The following AK9 variants were observed in gnomAD, a reference collection of about 807,000 sequenced individuals.
The protein encoded by AK9 is adenylate kinase domain containing 1.
AK9 carries 191 observed loss-of-function variants against 239.6 expected under a neutral mutation model. The ratio of observed to expected loss-of-function variants is 0.80; its 90% CI spans 0.71 to 0.90. AK9 has a LOEUF of 0.90. Ranked by LOEUF, AK9 falls within the 40% of genes least tolerant of loss-of-function variation. The pLI is 0.00. For missense variants in AK9, 1,995 were observed against 2,214.7 expected (o/e 0.90, Z 1.99); for synonymous variants, 689 against 721.0 (o/e 0.96, Z 0.71).
chr6:109,684,828 C>T lies in AK9; in HGVS notation c.-12+6319G>A, dbSNP rs1357328065. Among the ~76,000 whole-genome samples, 24 of 122,418 alleles carry T rather than the reference C, an allele frequency of 2.0e-4. 1 individual carries two copies. Among genetic ancestry groups the T allele is most frequent in the Non-Finnish European group, 3.4e-4 (21 of 62,632 alleles). The allele number at this position is 122,418 out of a possible 152,430, so 80.3% of individuals were successfully genotyped here. A position where few individuals can be genotyped will look rare whatever the true frequency, so the allele number is the denominator to read the frequency against. On this transcript the variant is annotated intron_variant, in intron 1 of 40. Coordinates refer to ENST00000424296, the MANE Select transcript of AK9 (RefSeq NM_001145128.3). Reference sequence around the variant, plus strand: ...GGCAGAGCTTGCAGTGAGCCGAGATCCCGCCACTGCACTCCAGCCTGGGCG... The same window carrying T: ...GGCAGAGCTTGCAGTGAGCCGAGATTCCGCCACTGCACTCCAGCCTGGGCG...
intron 17 of AK9, among the ~76,000 whole-genome samples, chr6:109,592,258 A>G (rs1314807023): frequency 6.6e-6 from 1 of 152,150 alleles, no homozygotes; most frequent in Non-Finnish European, 1.5e-5. Context: ...AAAACACAAT[A>G]ATAATAATAA....
chr6:109,550,196 T>G lies in AK9; in HGVS notation c.2858A>C (p.Glu953Ala), dbSNP rs149506107. ...NFILQPGNTEEAAKYREKIYY... is the reference protein window; with the variant it reads ...NFILQPGNTEAAAKYREKIYY... ...GATCTTTTCTCGATACTTGGCTGCT[T>G]CTTCTGTGTTTCCTGGTTGCAGGAT... The change falls in exon 25 of 41, where the codon GAA becomes GCA. Residue 953 changes from glutamate (E) to alanine (A), a missense_variant. Coordinates refer to ENST00000424296, the MANE Select transcript of AK9 (RefSeq NM_001145128.3). 2.0e-4 allele frequency: 322 copies of G among 1,613,972 alleles called. 2 individuals carry two copies. The Middle Eastern group carries it at 2.5e-3, about 12-fold the overall frequency.
chr6:109,533,238 G>A lies in AK9; in HGVS notation c.3570+13C>T. ...GAACAGATTTATTCAATGCATTTTT[G>A]CTAGATACATACCCTGATTTTTGCC... is the stretch of plus-strand genomic sequence containing the variant. On this transcript the variant is annotated intron_variant, in intron 28 of 40. Coordinates refer to ENST00000424296, the MANE Select transcript of AK9 (RefSeq NM_001145128.3). 6.4e-7 allele frequency: 1 copy of A among 1,574,110 alleles called. No homozygotes were observed. The highest frequency in any genetic ancestry group is 8.6e-7 in the Non-Finnish European group (1 of 1,158,068).
chr6:109,635,572 AC>A (rs141532809), intron 10 of AK9, among the ~76,000 whole-genome samples: 10 of 152,284 alleles, frequency 6.6e-5, no homozygotes, highest in African/African-American at 2.4e-4. Flanking sequence ...GACCCCAGAC[AC>A]AGCCAAGGTA....
At chr6:109,613,096 C>T (rs1793767692) in intron 15 of AK9, among the ~76,000 whole-genome samples, 1 of 150,586 alleles carries the variant, frequency 6.6e-6, no homozygotes, top group Admixed American at 6.6e-5. Flanking sequence ...TCTATCCTCT[C>T]AGACACTTAA....
At chr6:109,659,558 C>T in intron 6 of AK9, 145 bp from the exon 7 acceptor site, 3 of 1,069,414 alleles carry the variant, frequency 2.8e-6, no homozygotes, top group Non-Finnish European at 3.8e-6. Context: ...TGGCATTTTG[C>T]ATCAGGTTTC....
intron 19 of AK9, among the ~76,000 whole-genome samples, chr6:109,582,183 C>T (rs1298347361): frequency 6.6e-6 from 1 of 152,188 alleles, no homozygotes; most frequent in South Asian, 2.1e-4. Flanking sequence ...TGTTTTCATG[C>T]CTGCTAATGC....
intron 13 of AK9, among the ~76,000 whole-genome samples, chr6:109,618,119 C>T (rs1794395716): frequency 6.6e-6 from 1 of 152,150 alleles, no homozygotes; most frequent in Non-Finnish European, 1.5e-5. Context: ...GCACTGATGG[C>T]CACAGAGTGC....
intron 12 of AK9, among the ~76,000 whole-genome samples, chr6:109,630,177 C>T (rs1184681378): frequency 6.6e-6 from 1 of 151,808 alleles, no homozygotes; most frequent in African/African-American, 2.4e-5. Context: ...ATGATATTAC[C>T]TAGGATAGCA....
At chr6:109,644,444 T>C (rs1797791488) in intron 9 of AK9, 170 bp downstream of exon 9, 1 of 484,728 alleles carries the variant, frequency 2.1e-6, no homozygotes, top group South Asian at 5.9e-5. Context: ...GATTTTAAAA[T>C]GGACAGATGA....
At chr6:109,633,138 G>T in intron 11 of AK9, 35 bp from the exon 12 acceptor site, 2 of 1,561,946 alleles carry the variant, frequency 1.3e-6, no homozygotes, top group Non-Finnish European at 1.7e-6. Flanking sequence ...CAACTGAAAA[G>T]ATGTATGAGG....
chr6:109,677,799 T>A (rs1771984866), intron 1 of AK9, among the ~76,000 whole-genome samples: 1 of 152,022 alleles, frequency 6.6e-6, no homozygotes, highest in African/African-American at 2.4e-5. Flanking sequence ...GATATACAGA[T>A]GACAAACACA....
intron 12 of AK9, chr6:109,632,037 G>C (rs944624938): frequency 2.1e-4 from 85 of 411,790 alleles, no homozygotes; most frequent in African/African-American, 1.8e-3. Context: ...TGAGGAGACT[G>C]GTATTGAGAA....
intron 8 of AK9, among the ~76,000 whole-genome samples, chr6:109,653,512 T>C (rs1171219299): frequency 6.6e-6 from 1 of 152,202 alleles, no homozygotes; most frequent in East Asian, 1.9e-4. Context: ...TCTCTGACAT[T>C]CACGGAAAGT....
intron 10 of AK9, among the ~76,000 whole-genome samples, chr6:109,639,808 C>T (rs1224309266): frequency 6.6e-6 from 1 of 152,164 alleles, no homozygotes; most frequent in African/African-American, 2.4e-5. Flanking sequence ...TTTAATCCAT[C>T]TTGAACTAAT....
rs539046208 is a variant in AK9 at position 109,520,590 on chromosome 6, T to C, written c.3634-3948A>G. ...TTTTCTTGGGATTGTTTTGGCTATTTGGGGCTTCTGTTTTGGTTCCATATG... is the reference window on the plus strand; with the variant it reads ...TTTTCTTGGGATTGTTTTGGCTATTCGGGGCTTCTGTTTTGGTTCCATATG... On this transcript the variant is annotated intron_variant, in intron 29 of 40. Transcript: ENST00000424296. Among the ~76,000 whole-genome samples, 6 of 152,226 alleles carry C rather than the reference T, an allele frequency of 3.9e-5. No homozygotes were observed. In the East Asian group the frequency reaches 1.2e-3, roughly 29 times the overall value.
chr6:109,641,530 G>A lies in AK9; in HGVS notation c.921C>T (p.Asp307=), dbSNP rs1797446902. Residue 307 remains aspartate, a synonymous_variant, in exon 10 of 41, where the codon GAC becomes GAT. Coordinates refer to ENST00000424296, the MANE Select transcript of AK9 (RefSeq NM_001145128.3). ...KLQGAEEEIN[D]TMENDELFRT... The stretch of plus-strand genomic sequence containing the variant: ...CCATATAACTTACATTTTCCATTGT[G>A]TCATTAATTTCTTCCTCTGCACCCT... 3.1e-6 allele frequency: 5 copies of A among 1,611,402 alleles called. No homozygotes were observed. In the Admixed American group the frequency reaches 8.3e-5, roughly 27 times the overall value.
intron 28 of AK9, among the ~76,000 whole-genome samples, chr6:109,531,510 G>C (rs910512853): frequency 6.6e-6 from 1 of 152,066 alleles, no homozygotes; most frequent in Non-Finnish European, 1.5e-5. Context: ...GCCACTAGCT[G>C]TGTGTGGCTA....
At chr6:109,585,877 AACTTCACTT>A (rs757269429) in intron 18 of AK9, 30 bp downstream of exon 18, 1 of 1,514,682 alleles carries the variant, frequency 6.6e-7, no homozygotes, top group Non-Finnish European at 8.9e-7. Context: ...TCAATAACAA[AACTTCACTT>A]TCAAATTTAC....
Sources: gnomAD v4.1 joint callset for allele counts (sites outside exome capture counted in the v4.1 genomes callset) on GRCh38, gnomAD v4.1.1 for gene constraint, MANE v1.5 for transcripts, NCBI Gene and HGNC (gene_info 2026-07-23, HGNC 2026-07-21) for gene names.